The following CSMD1 variants were observed in gnomAD, a reference collection of about 807,000 sequenced individuals.
The protein encoded by CSMD1 is CUB and Sushi multiple domains 1, also known as CUB and sushi domain-containing protein 1.
Under a neutral mutation model 417.5 loss-of-function variants are expected in CSMD1, and 213 were observed. That is an observed-to-expected ratio of 0.51 (90% CI 0.46 to 0.57). The LOEUF (loss-of-function observed/expected upper bound fraction) is 0.57, where lower values mean the gene tolerates loss of function less well. Among genes scored for constraint, CSMD1 ranks in the 20% least tolerant of loss-of-function variants. CSMD1 has a pLI of 0.00. For missense variants in CSMD1, 6,923 were observed against 4,529.7 expected (o/e 1.53, Z -15.17); for synonymous variants, 2,862 against 1,736.8 (o/e 1.65, Z -16.11).
At chr8:3,342,891 A>ATGTGTGTGTGTGTGTGTG (rs757003156) in intron 23 of CSMD1, among the ~76,000 whole-genome samples, 3 of 72,202 alleles carry the variant, frequency 4.2e-5, no homozygotes, top group African/African-American at 1.3e-4. Context: ...GTATAAATAT[A>ATGTGTGTGTGTGTGTGTG]TGTGTGTATG....
At chr8:3,656,921 T>A (rs1252390254) in intron 7 of CSMD1, among the ~76,000 whole-genome samples, 5 of 104,266 alleles carry the variant, frequency 4.8e-5, no homozygotes, top group African/African-American at 2.4e-4. Context: ...CAAGACTCTG[T>A]CTAAAAAAAA....
At chr8:4,621,828 C>G (rs896531297) in intron 2 of CSMD1, among the ~76,000 whole-genome samples, 2 of 151,876 alleles carry the variant, frequency 1.3e-5, no homozygotes, top group Admixed American at 6.6e-5. Flanking sequence ...TCTAGTGTAC[C>G]TTACGACCAA....
At chr8:4,450,295 G>T (rs976188856) in intron 2 of CSMD1, among the ~76,000 whole-genome samples, 3 of 152,188 alleles carry the variant, frequency 2.0e-5, no homozygotes, top group Admixed American at 6.5e-5. Flanking sequence ...GCTGTGCACT[G>T]TTTGCTGCAA....
At chr8:4,434,116 T>C (rs566623305) in intron 2 of CSMD1, among the ~76,000 whole-genome samples, 1 of 152,270 alleles carries the variant, frequency 6.6e-6, no homozygotes, top group African/African-American at 2.4e-5. Flanking sequence ...AGTGGGCAGA[T>C]CACTTCAGGT....
chr8:4,038,330 A>T (rs924307682), intron 3 of CSMD1, among the ~76,000 whole-genome samples: 2 of 152,192 alleles, frequency 1.3e-5, no homozygotes, highest in Non-Finnish European at 2.9e-5. Context: ...TAGTATTATA[A>T]ATCCATTAGC....
chr8:4,652,525 A>G (rs1183614601), intron 1 of CSMD1, among the ~76,000 whole-genome samples: 1 of 151,984 alleles, frequency 6.6e-6, no homozygotes, highest in Non-Finnish European at 1.5e-5. Context: ...TGGTGGCTGC[A>G]CCTGTGATCC....
intron 12 of CSMD1, among the ~76,000 whole-genome samples, chr8:3,441,492 C>CAT (rs377759438): frequency 0.019 from 2,680 of 143,870 alleles, 74 homozygotes; most frequent in East Asian, 0.098. Context: ...CATATAATTT[C>CAT]ATATATATAT....
chr8:3,794,719 C>A (rs550675028), intron 5 of CSMD1, among the ~76,000 whole-genome samples: 13 of 152,114 alleles, frequency 8.5e-5, no homozygotes, highest in Admixed American at 5.2e-4. Context: ...TAGCAAAACT[C>A]CTCCGATATC....
At chr8:3,448,204 T>C (rs1181497750) in intron 12 of CSMD1, among the ~76,000 whole-genome samples, 1 of 149,374 alleles carries the variant, frequency 6.7e-6, no homozygotes, top group Non-Finnish European at 1.5e-5. Flanking sequence ...AAAGCCTGTC[T>C]GTGTTTCCTG....
chr8:4,297,801 T>C (rs1227236700), intron 3 of CSMD1, among the ~76,000 whole-genome samples: 1 of 152,200 alleles, frequency 6.6e-6, no homozygotes, highest in Non-Finnish European at 1.5e-5. Flanking sequence ...GGATTTTCAG[T>C]GAATTATATA....
intron 4 of CSMD1, among the ~76,000 whole-genome samples, chr8:4,030,926 A>G (rs1308277775): frequency 6.6e-6 from 1 of 152,178 alleles, no homozygotes; most frequent in Non-Finnish European, 1.5e-5. Flanking sequence ...CAGGGGCAAA[A>G]TGCCATCAGT....
chr8:3,074,979 G>A (rs1287252065), intron 49 of CSMD1, among the ~76,000 whole-genome samples: 1 of 152,130 alleles, frequency 6.6e-6, no homozygotes, highest in African/African-American at 2.4e-5. Context: ...GATTTCTCAT[G>A]AATGGCTTAG....
intron 1 of CSMD1, among the ~76,000 whole-genome samples, chr8:4,981,063 C>A (rs997515376): frequency 6.6e-6 from 1 of 152,202 alleles, no homozygotes; most frequent in Non-Finnish European, 1.5e-5. Flanking sequence ...CAAGCGTGAA[C>A]ACCATGATGC....
At chr8:4,190,999 C>T (rs983051481) in intron 3 of CSMD1, among the ~76,000 whole-genome samples, 2 of 151,972 alleles carry the variant, frequency 1.3e-5, no homozygotes, top group African/African-American at 4.8e-5. Flanking sequence ...GGATACTAGA[C>T]TTAGTACTTG....
intron 52 of CSMD1, among the ~76,000 whole-genome samples, chr8:3,012,085 C>T (rs1011106410): frequency 1.3e-5 from 2 of 152,140 alleles, no homozygotes; most frequent in South Asian, 4.2e-4. Flanking sequence ...TCTGGGAGAT[C>T]CCAGTAATAA....
At chr8:4,492,031 C>CA (rs141077568) in intron 2 of CSMD1, among the ~76,000 whole-genome samples, 15,574 of 127,568 alleles carry the variant, frequency 0.12, 858 homozygotes, top group African/African-American at 0.16. Flanking sequence ...TATTATTCAG[C>CA]AAAAAAAAAA....
At chr8:3,033,482 T>C (rs1315994152) in intron 50 of CSMD1, among the ~76,000 whole-genome samples, 1 of 152,002 alleles carries the variant, frequency 6.6e-6, no homozygotes, top group African/African-American at 2.4e-5. Flanking sequence ...TCACTGAGAA[T>C]GACGGTTAAC....
chr8:4,186,764 A>G (rs1584983071), intron 3 of CSMD1, among the ~76,000 whole-genome samples: 2 of 151,688 alleles, frequency 1.3e-5, no homozygotes, highest in African/African-American at 4.8e-5. Flanking sequence ...AGGCGGGTGG[A>G]TCACTTGAGG....
At chr8:3,306,191 G>GT (rs1804831849) in intron 25 of CSMD1, among the ~76,000 whole-genome samples, 1 of 152,038 alleles carries the variant, frequency 6.6e-6, no homozygotes, top group Admixed American at 6.6e-5. Flanking sequence ...TGATATCTAT[G>GT]TGTAATACAC....
Sources: allele counts gnomAD v4.1 joint callset (sites outside exome capture counted in the v4.1 genomes callset), GRCh38; gene constraint gnomAD v4.1.1; transcripts MANE v1.5; gene names NCBI Gene and HGNC (gene_info 2026-07-23, HGNC 2026-07-21).